The following ACOXL variants were observed in gnomAD, a reference collection of about 807,000 sequenced individuals.
ACOXL encodes acyl-coenzyme A oxidase-like protein.
A neutral mutation model predicts 71.9 loss-of-function variants in ACOXL; 70 were observed. That is an observed-to-expected ratio of 0.97 (90% CI 0.80 to 1.19). The LOEUF (loss-of-function observed/expected upper bound fraction) is 1.19, where lower values mean the gene tolerates loss of function less well. ACOXL is among the 50% of genes most tolerant of loss of function. ACOXL has a pLI of 0.00. For synonymous variants in ACOXL, 253 were observed against 281.6 expected, an observed-to-expected ratio of 0.90 and a Z score of 1.02; for missense variants, 703 against 736.3, an observed-to-expected ratio of 0.95 and a Z score of 0.52.
chr2:110,957,244 C>T (rs1186517439), intron 12 of ACOXL, among the ~76,000 whole-genome samples: 1 of 151,462 alleles, frequency 6.6e-6, no homozygotes, highest in Non-Finnish European at 1.5e-5. Flanking sequence ...GAAAGGAGAA[C>T]AATTTCATAT....
At chr2:110,746,731 C>T (rs768072477) in intron 1 of ACOXL, among the ~76,000 whole-genome samples, 6 of 152,104 alleles carry the variant, frequency 3.9e-5, no homozygotes, top group African/African-American at 9.7e-5. Flanking sequence ...CTTAGGTCAG[C>T]GAACTACCGA....
chr2:111,104,381 A>T (rs749596992), intron 17 of ACOXL, among the ~76,000 whole-genome samples: 1 of 152,242 alleles, frequency 6.6e-6, no homozygotes, highest in Non-Finnish European at 1.5e-5. Context: ...GTCGCACGGT[A>T]GGTGCATGTT....
chr2:110,736,745 G>A (rs1337920522), intron 1 of ACOXL, among the ~76,000 whole-genome samples: 1 of 151,418 alleles, frequency 6.6e-6, no homozygotes, highest in Non-Finnish European at 1.5e-5. Flanking sequence ...TCAGCTTCCT[G>A]AGTAGCTGGG....
chr2:110,972,534 A>G lies in ACOXL; in HGVS notation c.1060-14574A>G, dbSNP rs112796575. Among the ~76,000 whole-genome samples, 213 of 152,310 alleles carry G rather than the reference A, an allele frequency of 1.4e-3. 2 individuals are homozygous for G. The highest frequency in any genetic ancestry group is 4.9e-3 in the African/African-American group (204 of 41,574). ...ACTAGGAGAACTCACAGGACTTGAC[A>G]TATACTTATACTCATGGCTATGATT... is the stretch of plus-strand genomic sequence containing the variant. On this transcript the variant is annotated intron_variant, in intron 12 of 17. Coordinates refer to ENST00000439055, the MANE Select transcript of ACOXL (RefSeq NM_001142807.4).
At chr2:110,801,398 A>T (rs1375387323) in intron 7 of ACOXL, among the ~76,000 whole-genome samples, 24 of 152,194 alleles carry the variant, frequency 1.6e-4, no homozygotes, top group Admixed American at 1.6e-3. Context: ...AAGCATGCAC[A>T]TGCAGGCTGC....
intron 1 of ACOXL, among the ~76,000 whole-genome samples, chr2:110,733,639 G>A (rs1676472829): frequency 6.6e-6 from 1 of 152,172 alleles, no homozygotes; most frequent in African/African-American, 2.4e-5. Flanking sequence ...GGAAATGAGA[G>A]GGAAGGAGAT....
intron 15 of ACOXL, among the ~76,000 whole-genome samples, chr2:111,043,758 A>C (rs2065893089): frequency 6.6e-6 from 1 of 152,200 alleles, no homozygotes; most frequent in Non-Finnish European, 1.5e-5. Context: ...AGCAATGCTC[A>C]GCCATCAAAC....
intron 11 of ACOXL, among the ~76,000 whole-genome samples, chr2:110,917,763 GACAA>G (rs746721819): frequency 3.3e-5 from 5 of 152,246 alleles, no homozygotes; most frequent in Middle Eastern, 3.4e-3. Context: ...ACCAATAATA[GACAA>G]ACAGAGAACC....
At position 110,973,969 on chromosome 2, in the gene ACOXL, G is replaced by A. The variant is rs570572910; in HGVS notation, c.1060-13139G>A. ...GGGTCAGCCTGCTTGTTTGCCATCA[G>A]TCAGCACCCCCTCATAGGAAGCCTG... is the stretch of plus-strand genomic sequence containing the variant. On this transcript the variant is annotated intron_variant, in intron 12 of 17. Transcript: ENST00000439055. Among the ~76,000 whole-genome samples the A allele has an allele frequency of 5.9e-5, 9 of 152,264 alleles. No individual in the cohort carries two copies. The South Asian group carries it at 1.9e-3, about 32-fold the overall frequency.
chr2:110,744,491 TG>T (rs917548339), intron 1 of ACOXL, among the ~76,000 whole-genome samples: 9 of 152,190 alleles, frequency 5.9e-5, no homozygotes, highest in African/African-American at 2.2e-4. Flanking sequence ...GGTGAGCTGG[TG>T]GTAATTTCTT....
At chr2:110,960,748 A>C (rs2061672655) in intron 12 of ACOXL, among the ~76,000 whole-genome samples, 1 of 149,900 alleles carries the variant, frequency 6.7e-6, no homozygotes, top group African/African-American at 2.5e-5. Context: ...TAATTAAAAA[A>C]CCCAAAAAGT....
intron 10 of ACOXL, among the ~76,000 whole-genome samples, chr2:110,884,779 T>G (rs1697086561): frequency 6.6e-6 from 1 of 152,042 alleles, no homozygotes; most frequent in Non-Finnish European, 1.5e-5. Context: ...TGGAGTTAGG[T>G]TCAATAAAGG....
chr2:110,742,773 T>C (rs1048691949), intron 1 of ACOXL, among the ~76,000 whole-genome samples: 89 of 152,332 alleles, frequency 5.8e-4, no homozygotes, highest in African/African-American at 2.0e-3. Flanking sequence ...ACTTAAGACC[T>C]GAAACTGTAG....
At chr2:110,978,455 C>T (rs1231688524) in intron 12 of ACOXL, among the ~76,000 whole-genome samples, 1 of 152,206 alleles carries the variant, frequency 6.6e-6, no homozygotes, top group East Asian at 1.9e-4. Flanking sequence ...GTTTTACAGA[C>T]CGCAGAGAAG....
At chr2:110,737,382 C>T (rs1278623753) in intron 1 of ACOXL, among the ~76,000 whole-genome samples, 1 of 152,184 alleles carries the variant, frequency 6.6e-6, no homozygotes, top group Admixed American at 6.5e-5. Flanking sequence ...CTCACTACAG[C>T]ACCATTTTCC....
intron 10 of ACOXL, among the ~76,000 whole-genome samples, chr2:110,868,796 G>T (rs1426716495): frequency 6.6e-6 from 1 of 152,148 alleles, no homozygotes; most frequent in Non-Finnish European, 1.5e-5. Flanking sequence ...TCACCATGTT[G>T]CCCAGGCTGG....
At chr2:110,914,785 A>G (rs1392389248) in intron 11 of ACOXL, among the ~76,000 whole-genome samples, 2 of 152,218 alleles carry the variant, frequency 1.3e-5, no homozygotes, top group Middle Eastern at 3.2e-3. Context: ...GTATTTCACC[A>G]TTAACATGAA....
chr2:110,851,579 G>A (rs78606217), intron 10 of ACOXL, among the ~76,000 whole-genome samples: 2,393 of 152,274 alleles, frequency 0.016, 70 homozygotes, highest in African/African-American at 0.055. Context: ...AGCTCTGGAC[G>A]CCCTAGACTG....
chr2:110,817,437 C>T (rs367658396), intron 9 of ACOXL, among the ~76,000 whole-genome samples: 5 of 152,340 alleles, frequency 3.3e-5, no homozygotes, highest in African/African-American at 4.8e-5. Flanking sequence ...ACCCTTCTTG[C>T]GAAAGACCCT....
Sources: gnomAD v4.1 joint callset for allele counts (sites outside exome capture counted in the v4.1 genomes callset) on GRCh38, gnomAD v4.1.1 for gene constraint, MANE v1.5 for transcripts, NCBI Gene and HGNC (gene_info 2026-07-23, HGNC 2026-07-21) for gene names.